RANBP2: variants seen among roughly 807,000 people sequenced by gnomAD.
The protein encoded by RANBP2 is RAN binding protein 2.
Under a neutral mutation model 303.6 loss-of-function variants are expected in RANBP2, and 57 were observed. The observed-to-expected ratio is 0.19, with a 90% confidence interval of 0.15 to 0.23. RANBP2 has a LOEUF of 0.23. Among genes scored for constraint, RANBP2 ranks in the 10% least tolerant of loss-of-function variants. RANBP2 has a pLI of 1.00. For synonymous variants in RANBP2, 1,167 were observed against 1,301.5 expected (o/e 0.90, Z 2.23); for missense variants, 3,138 against 3,780.8 (o/e 0.83, Z 4.46).
At chr2:109,362,647 C>G in the RANBP2 span, among the ~76,000 whole-genome samples, 2 of 152,114 alleles carry the variant, frequency 1.3e-5, no homozygotes, top group Non-Finnish European at 2.9e-5. Context: ...TGCTTGCTGT[C>G]TCTGTCCATT....
At chr2:109,114,223 C>T in the RANBP2 span, among the ~76,000 whole-genome samples, 53 of 152,280 alleles carry the variant, frequency 3.5e-4, no homozygotes, top group African/African-American at 1.2e-3. Flanking sequence ...CCAGTTCCTC[C>T]TTGTACCTCT....
chr2:108,872,123 G>A, the RANBP2 span, among the ~76,000 whole-genome samples: 3 of 152,024 alleles, frequency 2.0e-5, no homozygotes, highest in Non-Finnish European at 2.9e-5. Flanking sequence ...TTTTGCTTTT[G>A]TTCAGAACTT....
the RANBP2 span, among the ~76,000 whole-genome samples, chr2:109,278,698 G>A: frequency 3.3e-5 from 5 of 152,204 alleles, no homozygotes; most frequent in African/African-American, 1.2e-4. Context: ...CTTTGGACCA[G>A]CAGCTTCCAG....
chr2:109,064,294 A>T, the RANBP2 span, among the ~76,000 whole-genome samples: 1 of 151,944 alleles, frequency 6.6e-6, no homozygotes, highest in African/African-American at 2.4e-5. Flanking sequence ...CGTCTCTACT[A>T]AAAATACAAA....
At chr2:109,244,058 T>C in the RANBP2 span, among the ~76,000 whole-genome samples, 3 of 152,202 alleles carry the variant, frequency 2.0e-5, 1 homozygote, top group Admixed American at 1.3e-4. Context: ...GTAGCGAGGG[T>C]ATTTTCTCTG....
chr2:109,025,747 G>A, the RANBP2 span, among the ~76,000 whole-genome samples: 9 of 150,110 alleles, frequency 6.0e-5, no homozygotes, highest in South Asian at 1.1e-3. Flanking sequence ...GCAGTGAGCC[G>A]AGATCACGCC....
the RANBP2 span, among the ~76,000 whole-genome samples, chr2:109,250,147 T>C: frequency 2.0e-5 from 3 of 151,976 alleles, no homozygotes; most frequent in African/African-American, 7.2e-5. Context: ...TTAAGGTTTT[T>C]CTCTGTCTTT....
At chr2:109,294,405 AC>A in the RANBP2 span, among the ~76,000 whole-genome samples, 2 of 151,936 alleles carry the variant, frequency 1.3e-5, no homozygotes, top group African/African-American at 4.8e-5. Flanking sequence ...TACTAAAAAT[AC>A]AAAAATTAGC....
At chr2:109,464,117 G>T in the RANBP2 span, among the ~76,000 whole-genome samples, 1 of 152,154 alleles carries the variant, frequency 6.6e-6, no homozygotes, top group African/African-American at 2.4e-5. Context: ...TTTTACAGGG[G>T]ATCATTCAGT....
At chr2:109,524,447 A>AG in the RANBP2 span, among the ~76,000 whole-genome samples, 1 of 54,026 alleles carries the variant, frequency 1.9e-5, no homozygotes, top group Middle Eastern at 7.8e-3. Flanking sequence ...CCTGTCTCAA[A>AG]AAAAAAAAAA....
chr2:109,123,035 T>A, the RANBP2 span, among the ~76,000 whole-genome samples: 68 of 152,322 alleles, frequency 4.5e-4, no homozygotes, highest in Non-Finnish European at 7.1e-4. Context: ...AGGCTTGAAC[T>A]CATGCCTGGT....
chr2:108,752,428 A>G (rs2149225732), intron 12 of RANBP2, among the ~76,000 whole-genome samples: 1 of 152,022 alleles, frequency 6.6e-6, no homozygotes, highest in South Asian at 2.1e-4. Context: ...CAACTGTTAA[A>G]AAGTAGTTTG....
chr2:109,461,749 T>A, the RANBP2 span, among the ~76,000 whole-genome samples: 1 of 152,210 alleles, frequency 6.6e-6, no homozygotes, highest in Non-Finnish European at 1.5e-5. Flanking sequence ...CACCACTGGA[T>A]CTCCTGGGTC....
the RANBP2 span, chr2:109,585,368 A>G: frequency 6.9e-7 from 1 of 1,441,870 alleles, no homozygotes; most frequent in Non-Finnish European, 9.5e-7. Flanking sequence ...AATGGCTGAA[A>G]AGAAATACAA....
At chr2:108,955,486 A>G in the RANBP2 span, among the ~76,000 whole-genome samples, 6 of 152,170 alleles carry the variant, frequency 3.9e-5, no homozygotes, top group African/African-American at 1.4e-4. Flanking sequence ...AGTGGCTCAC[A>G]CCTGTAATCC....
the RANBP2 span, among the ~76,000 whole-genome samples, chr2:109,162,977 C>T: frequency 6.6e-6 from 1 of 152,168 alleles, no homozygotes; most frequent in African/African-American, 2.4e-5. Context: ...GGGATTTGCA[C>T]CCTCTCTGAC....
chr2:108,814,471 T>C, the RANBP2 span, among the ~76,000 whole-genome samples: 1 of 151,990 alleles, frequency 6.6e-6, no homozygotes, highest in Admixed American at 6.6e-5. Context: ...AGGGAGTTAG[T>C]TTCTATTTGA....
the RANBP2 span, among the ~76,000 whole-genome samples, chr2:109,307,555 C>T: frequency 7.1e-6 from 1 of 140,648 alleles, no homozygotes; most frequent in Non-Finnish European, 1.5e-5. Flanking sequence ...GTATATCTCC[C>T]AATGCTATCC....
At chr2:109,612,965 C>G in the RANBP2 span, 9 of 432,826 alleles carry the variant, frequency 2.1e-5, no homozygotes, top group Non-Finnish European at 4.2e-5. Flanking sequence ...GAGTGGTTCT[C>G]AAACTTTTTG....
Sources: gnomAD v4.1 joint callset for allele counts (sites outside exome capture counted in the v4.1 genomes callset) on GRCh38, gnomAD v4.1.1 for gene constraint, MANE v1.5 for transcripts, NCBI Gene and HGNC (gene_info 2026-07-23, HGNC 2026-07-21) for gene names.